ASTN1: variants seen among roughly 807,000 people sequenced by gnomAD.
ASTN1 encodes astrotactin-1.
In ASTN1, 41 loss-of-function variants were observed where a neutral mutation model predicts 140.7. The observed-to-expected ratio is 0.29, with a 90% CI of 0.23 to 0.38. The LOEUF (loss-of-function observed/expected upper bound fraction) is 0.38, where lower values mean the gene tolerates loss of function less well. ASTN1 is among the 10% of genes least tolerant of loss of function. The probability of loss-of-function intolerance (pLI) is 1.00; values close to 1 mark genes in which losing one functional copy is unlikely to be tolerated. For missense variants in ASTN1, 1,479 were observed against 1,678.8 expected, an observed-to-expected ratio of 0.88 and a Z score of 2.08; for synonymous variants, 640 against 652.2, an observed-to-expected ratio of 0.98 and a Z score of 0.29.
chr1:177,064,847 A>T (rs1678272746), intron 1 of ASTN1, among the ~76,000 whole-genome samples: 1 of 152,206 alleles, frequency 6.6e-6, no homozygotes, highest in Non-Finnish European at 1.5e-5. Context: ...GAATTTATTT[A>T]TGTATGCTAC....
chr1:177,133,206 T>C (rs2102207240), intron 1 of ASTN1, among the ~76,000 whole-genome samples: 1 of 152,314 alleles, frequency 6.6e-6, no homozygotes, highest in East Asian at 1.9e-4. Flanking sequence ...TATTAGGCAA[T>C]AATTGTGTGC....
At chr1:177,083,616 C>T (rs1439939313) in intron 1 of ASTN1, among the ~76,000 whole-genome samples, 1 of 152,118 alleles carries the variant, frequency 6.6e-6, no homozygotes, top group South Asian at 2.1e-4. Flanking sequence ...GAATAAAATA[C>T]TTTTCCTCTT....
At chr1:177,075,742 G>C (rs1318649159) in intron 1 of ASTN1, among the ~76,000 whole-genome samples, 1 of 150,154 alleles carries the variant, frequency 6.7e-6, no homozygotes, top group Non-Finnish European at 1.5e-5. Context: ...CAACTTCTGG[G>C]CTCAAGCAAT....
chr1:177,006,007 T>C (rs1223535256), intron 8 of ASTN1, among the ~76,000 whole-genome samples: 1 of 152,212 alleles, frequency 6.6e-6, no homozygotes, highest in African/African-American at 2.4e-5. Flanking sequence ...ATGTGCAGGA[T>C]GCTAGATGGT....
Position 176,925,179 on chromosome 1 carries a change from G to A in ASTN1, c.2671+8973C>T, listed in dbSNP as rs568517008. Among the ~76,000 whole-genome samples the A allele has an allele frequency of 2.9e-4, 44 of 152,216 alleles. No homozygotes were observed. In the South Asian group the frequency reaches 4.4e-3, roughly 15 times the overall value. ...AGCCTTGGTCCAAAGTGAAAACCAC[G>A]CAGGATAGGCCTCCTGCCTGACACT... On this transcript the variant is annotated intron_variant, in intron 16 of 22. Transcript: ENST00000361833.
chr1:177,054,749 G>A (rs1161725828), intron 2 of ASTN1, among the ~76,000 whole-genome samples: 2 of 152,228 alleles, frequency 1.3e-5, no homozygotes, highest in African/African-American at 4.8e-5. Flanking sequence ...CAGGTCATGA[G>A]TGAGGTGACT....
chr1:177,084,638 C>T (rs1263340793), intron 1 of ASTN1, among the ~76,000 whole-genome samples: 1 of 152,000 alleles, frequency 6.6e-6, no homozygotes, highest in Non-Finnish European at 1.5e-5. Flanking sequence ...CCCTTGACCC[C>T]CTCCCTCACT....
chr1:176,972,186 A>G (rs1673166023), intron 8 of ASTN1, among the ~76,000 whole-genome samples: 1 of 152,242 alleles, frequency 6.6e-6, no homozygotes. Flanking sequence ...ACTGTTGTAC[A>G]TGTGGTCCAT....
chr1:177,078,768 A>G (rs1282694733), intron 1 of ASTN1, among the ~76,000 whole-genome samples: 2 of 152,180 alleles, frequency 1.3e-5, no homozygotes, highest in East Asian at 3.9e-4. Context: ...ATGATGCTGG[A>G]AAGGACATAC....
chr1:177,024,522 C>G (rs560490916), intron 6 of ASTN1, 61 bp downstream of exon 6: 1 of 1,586,000 alleles, frequency 6.3e-7, no homozygotes, highest in Non-Finnish European at 8.6e-7. Context: ...CTAGCCTTTG[C>G]CCAACCAGAA....
intron 8 of ASTN1, among the ~76,000 whole-genome samples, chr1:176,979,590 C>T (rs12065574): frequency 0.012 from 1,860 of 152,250 alleles, 42 homozygotes; most frequent in African/African-American, 0.043. Flanking sequence ...ACTCCCTTGC[C>T]AGAGCGTTAG....
chr1:177,102,826 T>C (rs921671261), intron 1 of ASTN1, among the ~76,000 whole-genome samples: 8 of 152,164 alleles, frequency 5.3e-5, no homozygotes, highest in Non-Finnish European at 1.2e-4. Flanking sequence ...CTTAACATCA[T>C]AGAACTGGCC....
intron 1 of ASTN1, among the ~76,000 whole-genome samples, chr1:177,138,878 C>T (rs557199514): frequency 6.6e-6 from 1 of 152,292 alleles, no homozygotes; most frequent in South Asian, 2.1e-4. Context: ...ACTATCTCTC[C>T]CATACAGATG....
rs146236647 is a variant in ASTN1, at chr1:176,923,483, A to C, written c.2671+10669T>G. On this transcript the variant is annotated intron_variant, in intron 16 of 22. Transcript: ENST00000361833. Reference sequence around the variant, plus strand: ...AGAATGGGCAATACAGCAGGCCCCCATCATCATCAGTTTTGTTTTCTGCCA... The same window carrying C: ...AGAATGGGCAATACAGCAGGCCCCCCTCATCATCAGTTTTGTTTTCTGCCA... Among the ~76,000 whole-genome samples the C allele has an allele frequency of 7.9e-3, 1,209 of 152,272 alleles. 6 individuals carry two copies. Among genetic ancestry groups the C allele is most frequent in the Middle Eastern group, 0.017 (5 of 294 alleles).
chr1:177,117,041 T>A (rs1369468334), intron 1 of ASTN1, among the ~76,000 whole-genome samples: 2 of 152,114 alleles, frequency 1.3e-5, no homozygotes, highest in South Asian at 4.1e-4. Flanking sequence ...TTAAAGTAGG[T>A]GTCTACGTGC....
At chr1:177,164,254 G>C in intron 1 of ASTN1, 140 bp downstream of exon 1, 1 of 957,586 alleles carries the variant, frequency 1.0e-6, no homozygotes, top group East Asian at 2.7e-5. Context: ...GTGGAGAATG[G>C]TCCGGGAGTG....
At chr1:177,069,874 A>T (rs1296394906) in intron 1 of ASTN1, among the ~76,000 whole-genome samples, 1 of 151,962 alleles carries the variant, frequency 6.6e-6, no homozygotes, top group Non-Finnish European at 1.5e-5. Context: ...AAAAAAAAAA[A>T]GCCCAAAGCT....
chr1:176,983,044 C>T (rs1673700789), intron 8 of ASTN1, among the ~76,000 whole-genome samples: 1 of 152,168 alleles, frequency 6.6e-6, no homozygotes, highest in South Asian at 2.1e-4. Context: ...CAGGTATGCA[C>T]ATGAGTAGGA....
At chr1:177,097,953 C>T (rs979011470) in intron 1 of ASTN1, among the ~76,000 whole-genome samples, 17 of 152,288 alleles carry the variant, frequency 1.1e-4, no homozygotes, top group African/African-American at 4.1e-4. Context: ...CACCTCACAT[C>T]TTCCCCCACC....
Sources: allele counts gnomAD v4.1 joint callset (sites outside exome capture counted in the v4.1 genomes callset), GRCh38; gene constraint gnomAD v4.1.1; transcripts MANE v1.5; gene names NCBI Gene and HGNC (gene_info 2026-07-23, HGNC 2026-07-21).